The following TMEM132C variants were observed in gnomAD, a reference collection of about 807,000 sequenced individuals.
The protein encoded by TMEM132C is transmembrane protein 132C, also known as protein phosphatase 1, regulatory subunit 152.
In TMEM132C, 29 loss-of-function variants were observed where a neutral mutation model predicts 61.4. The ratio of observed to expected loss-of-function variants is 0.47; its 90% CI spans 0.35 to 0.64. The LOEUF is 0.64. TMEM132C is among the 30% of genes least tolerant of loss of function. The pLI, the probability that TMEM132C is intolerant of heterozygous loss-of-function variation, is 0.00. For synonymous variants in TMEM132C, 656 were observed against 633.1 expected (o/e 1.04, Z -0.54); for missense variants, 1,408 against 1,476.9 (o/e 0.95, Z 0.76).
chr12:128,660,872 A>G (rs1000115842), intron 4 of TMEM132C, among the ~76,000 whole-genome samples: 1 of 152,230 alleles, frequency 6.6e-6, no homozygotes, highest in Non-Finnish European at 1.5e-5. Flanking sequence ...GTAAAACAGC[A>G]GGTTTCACCA....
chr12:128,537,424 A>G lies in TMEM132C; in HGVS notation c.975-6533A>G, dbSNP rs141580422. Among the ~76,000 whole-genome samples, 79 of 152,328 alleles carry G rather than the reference A, an allele frequency of 5.2e-4. 2 individuals carry two copies. The highest frequency in any genetic ancestry group is 1.8e-3 in the African/African-American group (76 of 41,580). ...GGTGTATCCAGCCTCCCATCCCATC[A>G]TAGCCAGGAACTCAGTTTTCAAGGT... On this transcript the variant is annotated intron_variant, in intron 2 of 8. Transcript: ENST00000435159.
At chr12:128,571,439 T>C (rs1874880281) in intron 3 of TMEM132C, among the ~76,000 whole-genome samples, 1 of 152,230 alleles carries the variant, frequency 6.6e-6, no homozygotes. Flanking sequence ...CATTTAAGCA[T>C]ACAGTTCAGT....
intron 2 of TMEM132C, among the ~76,000 whole-genome samples, chr12:128,519,767 T>C (rs1170853440): frequency 2.6e-5 from 4 of 152,298 alleles, no homozygotes; most frequent in East Asian, 3.9e-4. Flanking sequence ...TCTGGGACTA[T>C]TGACAAGGAA....
At chr12:128,440,737 T>C (rs151027301) in intron 2 of TMEM132C, among the ~76,000 whole-genome samples, 2 of 152,282 alleles carry the variant, frequency 1.3e-5, no homozygotes, top group South Asian at 2.1e-4. Flanking sequence ...ATTCTCCTGA[T>C]ATGATGGTGG....
At chr12:128,697,462 TG>T (rs1209134909) in intron 8 of TMEM132C, 47 bp downstream of exon 8, 2 of 1,477,870 alleles carry the variant, frequency 1.4e-6, no homozygotes, top group Admixed American at 4.5e-5. Context: ...GGTCAGCCAC[TG>T]TGCCTGCTTC....
At chr12:128,384,100 G>A (rs2135993634) in intron 1 of TMEM132C, among the ~76,000 whole-genome samples, 1 of 152,320 alleles carries the variant, frequency 6.6e-6, no homozygotes, top group South Asian at 2.1e-4. Flanking sequence ...GAGGTGGTCA[G>A]GTTCCAGAAA....
intron 4 of TMEM132C, among the ~76,000 whole-genome samples, chr12:128,648,195 C>G (rs1461064885): frequency 6.6e-6 from 1 of 151,840 alleles, no homozygotes; most frequent in Non-Finnish European, 1.5e-5. Flanking sequence ...TTACTGGAGT[C>G]CATCAGCGTT....
chr12:128,343,347 C>A (rs1184869060), intron 1 of TMEM132C, among the ~76,000 whole-genome samples: 1 of 151,650 alleles, frequency 6.6e-6, no homozygotes, highest in Non-Finnish European at 1.5e-5. Context: ...TCACCTGAAC[C>A]TGAGAGGCGG....
At chr12:128,661,071 G>A (rs928449088) in intron 4 of TMEM132C, among the ~76,000 whole-genome samples, 3 of 144,748 alleles carry the variant, frequency 2.1e-5, no homozygotes, top group Admixed American at 2.0e-4. Flanking sequence ...TAAATAGATA[G>A]ACAGATGATT....
At chr12:128,693,550 T>C (rs1358539479) in intron 5 of TMEM132C, among the ~76,000 whole-genome samples, 1 of 152,206 alleles carries the variant, frequency 6.6e-6, no homozygotes, top group Non-Finnish European at 1.5e-5. Flanking sequence ...TCATGAAGCC[T>C]CTGAAAACCG....
intron 3 of TMEM132C, among the ~76,000 whole-genome samples, chr12:128,605,225 G>A (rs1486738649): frequency 2.6e-5 from 4 of 152,078 alleles, no homozygotes; most frequent in South Asian, 2.1e-4. Context: ...TTGTCAAGCC[G>A]AAGACCCAGG....
chr12:128,598,250 C>G (rs1420163165), intron 3 of TMEM132C, among the ~76,000 whole-genome samples: 2 of 152,070 alleles, frequency 1.3e-5, no homozygotes, highest in African/African-American at 4.8e-5. Context: ...AACCCCAACT[C>G]TACTAAAAAA....
intron 3 of TMEM132C, among the ~76,000 whole-genome samples, chr12:128,613,278 T>C (rs1466431560): frequency 6.6e-6 from 1 of 152,178 alleles, no homozygotes; most frequent in Non-Finnish European, 1.5e-5. Flanking sequence ...ACGTGCTTGC[T>C]AAGAAGATGA....
chr12:128,450,768 A>G (rs1870151824), intron 2 of TMEM132C, among the ~76,000 whole-genome samples: 1 of 152,228 alleles, frequency 6.6e-6, no homozygotes, highest in Admixed American at 6.5e-5. Flanking sequence ...CAAAATGAAT[A>G]AGGCAATTAC....
chr12:128,482,960 T>C (rs1223529223), intron 2 of TMEM132C, among the ~76,000 whole-genome samples: 1 of 151,914 alleles, frequency 6.6e-6, no homozygotes, highest in Non-Finnish European at 1.5e-5. Flanking sequence ...GAATGCTTGC[T>C]TGGCCAGGCA....
At chr12:128,604,609 A>G (rs1357719366) in intron 3 of TMEM132C, among the ~76,000 whole-genome samples, 4 of 152,010 alleles carry the variant, frequency 2.6e-5, no homozygotes, top group African/African-American at 7.3e-5. Context: ...AGATGGCTAG[A>G]TAGATAAAAA....
intron 1 of TMEM132C, among the ~76,000 whole-genome samples, chr12:128,384,578 C>A (rs1239676189): frequency 1.3e-5 from 2 of 152,108 alleles, no homozygotes; most frequent in Non-Finnish European, 2.9e-5. Context: ...TTTGGTGAGG[C>A]CACTGTGTTG....
intron 2 of TMEM132C, among the ~76,000 whole-genome samples, chr12:128,450,307 C>A (rs1870135712): frequency 6.6e-6 from 1 of 152,104 alleles, no homozygotes; most frequent in African/African-American, 2.4e-5. Context: ...ACCTTGAACT[C>A]CTGACTTCTG....
intron 5 of TMEM132C, among the ~76,000 whole-genome samples, chr12:128,674,291 G>C (rs1012562880): frequency 6.6e-6 from 1 of 152,174 alleles, no homozygotes; most frequent in Non-Finnish European, 1.5e-5. Context: ...GCAGTAGTTT[G>C]TTTCTTTTAT....
Sources: gnomAD v4.1 joint callset for allele counts (sites outside exome capture counted in the v4.1 genomes callset) on GRCh38, gnomAD v4.1.1 for gene constraint, MANE v1.5 for transcripts, NCBI Gene and HGNC (gene_info 2026-07-23, HGNC 2026-07-21) for gene names.